Variants in RORA observed in about 807,000 individuals in gnomAD.
RORA encodes the protein nuclear receptor ROR-alpha.
In RORA, 7 loss-of-function variants were observed where a neutral mutation model predicts 69.5. That is an observed-to-expected ratio of 0.10 (90% CI 0.06 to 0.19). RORA has a LOEUF of 0.19. Ranked by LOEUF, RORA falls within the 10% of genes least tolerant of loss-of-function variation. The pLI, the probability that RORA is intolerant of heterozygous loss-of-function variation, is 1.00. For synonymous variants in RORA, 261 were observed against 240.8 expected (o/e 1.08, Z -0.78); for missense variants, 457 against 663.0 (o/e 0.69, Z 3.41).
chr15:61,056,872 C>T (rs2078103935), intron 1 of RORA, among the ~76,000 whole-genome samples: 3 of 152,218 alleles, frequency 2.0e-5, no homozygotes. Context: ...TTCCAAAGGG[C>T]TTCTCACAGT....
At chr15:60,535,046 A>C (rs1347648682) in intron 2 of RORA, among the ~76,000 whole-genome samples, 2 of 152,218 alleles carry the variant, frequency 1.3e-5, no homozygotes, top group Non-Finnish European at 2.9e-5. Flanking sequence ...TTCATCGTGT[A>C]GGCTTTTCAG....
chr15:60,695,759 G>A (rs1240601621), intron 1 of RORA, among the ~76,000 whole-genome samples: 1 of 151,954 alleles, frequency 6.6e-6, no homozygotes. Context: ...TATGCTTCCT[G>A]TGGCTTACTG....
At chr15:61,211,523 T>C (rs1347195485) in intron 1 of RORA, among the ~76,000 whole-genome samples, 2 of 152,224 alleles carry the variant, frequency 1.3e-5, no homozygotes, top group East Asian at 3.8e-4. Flanking sequence ...CAGGCTTTCC[T>C]TTTAATCTAC....
intron 1 of RORA, among the ~76,000 whole-genome samples, chr15:60,839,459 C>T (rs1446320562): frequency 1.3e-5 from 2 of 152,182 alleles, no homozygotes; most frequent in Admixed American, 1.3e-4. Context: ...TTACACCAAC[C>T]TAATATCTCC....
chr15:60,556,723 C>T (rs1343802904), intron 2 of RORA: 20 of 706,000 alleles, frequency 2.8e-5, no homozygotes, highest in South Asian at 3.5e-5. Flanking sequence ...TGGAAGTTCA[C>T]GGCTTCCCCT....
At chr15:60,701,864 C>A (rs1011353335) in intron 1 of RORA, among the ~76,000 whole-genome samples, 12 of 152,184 alleles carry the variant, frequency 7.9e-5, no homozygotes, top group Admixed American at 4.6e-4. Context: ...TTACATCAGT[C>A]TTTGACTCTT....
chr15:60,565,671 G>A (rs958502910), intron 2 of RORA, among the ~76,000 whole-genome samples: 36 of 152,178 alleles, frequency 2.4e-4, no homozygotes, highest in Non-Finnish European at 5.9e-5. Context: ...TTAATTATTA[G>A]CCATATCACC....
At chr15:60,951,226 G>A (rs1402121871) in intron 1 of RORA, among the ~76,000 whole-genome samples, 2 of 151,312 alleles carry the variant, frequency 1.3e-5, no homozygotes, top group African/African-American at 4.9e-5. Context: ...AAATAAAGAT[G>A]TTCTTTGAAA....
intron 1 of RORA, among the ~76,000 whole-genome samples, chr15:61,165,172 C>T (rs2140887451): frequency 6.6e-6 from 1 of 152,328 alleles, no homozygotes; most frequent in Non-Finnish European, 1.5e-5. Flanking sequence ...CCTGCTGCCT[C>T]AACACAGGGA....
At chr15:60,704,290 A>G (rs779458414) in intron 1 of RORA, among the ~76,000 whole-genome samples, 7 of 152,184 alleles carry the variant, frequency 4.6e-5, no homozygotes, top group Non-Finnish European at 1.0e-4. Context: ...GAGGGGCCAC[A>G]CCGGCATGCG....
At chr15:60,765,032 T>A (rs529350495) in intron 1 of RORA, 3 of 152,050 alleles carry the variant, frequency 2.0e-5, no homozygotes, top group Non-Finnish European at 2.9e-5. Flanking sequence ...TGCTATTGAA[T>A]CGGGAAGTTG....
At chr15:60,748,904 C>T (rs1317096436) in intron 1 of RORA, among the ~76,000 whole-genome samples, 1 of 152,186 alleles carries the variant, frequency 6.6e-6, no homozygotes, top group Non-Finnish European at 1.5e-5. Flanking sequence ...CACGGAGGAA[C>T]TCTAGATAGC....
intron 1 of RORA, among the ~76,000 whole-genome samples, chr15:61,028,756 A>G (rs11071583): frequency 0.065 from 9,915 of 152,292 alleles, 498 homozygotes; most frequent in East Asian, 0.22. Context: ...TGCGTGGGCA[A>G]ATAAAATATA....
intron 1 of RORA, among the ~76,000 whole-genome samples, chr15:60,810,660 T>C (rs2072730707): frequency 6.6e-6 from 1 of 152,170 alleles, no homozygotes; most frequent in Admixed American, 6.5e-5. Context: ...ATGAATGCAA[T>C]ATCTCTACTT....
At chr15:61,030,963 C>A (rs944686493) in intron 1 of RORA, among the ~76,000 whole-genome samples, 2 of 152,090 alleles carry the variant, frequency 1.3e-5, no homozygotes, top group Non-Finnish European at 2.9e-5. Flanking sequence ...TGCACACATA[C>A]ACATGTATAT....
intron 1 of RORA, among the ~76,000 whole-genome samples, chr15:60,741,482 G>C (rs2071574728): frequency 6.6e-6 from 1 of 152,202 alleles, no homozygotes; most frequent in Non-Finnish European, 1.5e-5. Context: ...CCTTGGGTAA[G>C]AGCTTCTAGA....
At chr15:61,160,370 G>C (rs17237738) in intron 1 of RORA, among the ~76,000 whole-genome samples, 2 of 152,064 alleles carry the variant, frequency 1.3e-5, no homozygotes, top group African/African-American at 2.4e-5. Context: ...TAATTTACAA[G>C]TTCATGTTAC....
Position 61,061,351 on chromosome 15 carries a change from TAAAAAATAAATA to T in RORA, c.166+167690_166+167701del, listed in dbSNP as rs2140542871. ...AGGGAGACAGAGCGAGGCTCTATCT[TAAAAAATAAATA>T]AATAAATAAATAAATAAATAAATAA... On this transcript the variant is annotated intron_variant, in intron 1 of 10. Coordinates refer to ENST00000335670, the MANE Select transcript of RORA (RefSeq NM_134261.3). This position sits in a 1 kb window ranked among gnomAD's most constrained non-coding sequence, Gnocchi z 4.4. 9.1e-6 allele frequency among the ~76,000 whole-genome samples: 1 copy of T among 110,362 alleles called. No homozygotes were observed. Among genetic ancestry groups the T allele is most frequent in the African/African-American group, 4.0e-5 (1 of 24,956 alleles). 72.4% of individuals were successfully genotyped at this position (110,362 alleles called of 152,430 possible).
chr15:61,047,882 A>G (rs920317479), intron 1 of RORA, among the ~76,000 whole-genome samples: 2 of 152,168 alleles, frequency 1.3e-5, no homozygotes, highest in Non-Finnish European at 2.9e-5. Context: ...TTCAACAAGC[A>G]TTTCTTGCGG....
Sources: allele counts gnomAD v4.1 joint callset (sites outside exome capture counted in the v4.1 genomes callset), GRCh38; gene constraint gnomAD v4.1.1; non-coding constraint Gnocchi (gnomAD v3.1); transcripts MANE v1.5; gene names NCBI Gene and HGNC (gene_info 2026-07-23, HGNC 2026-07-21).